CSMD3: variants seen among roughly 807,000 people sequenced by gnomAD.
CSMD3 encodes CUB and Sushi multiple domains 3, also known as CUB and sushi domain-containing protein 3.
CSMD3 carries 177 observed loss-of-function variants against 435.2 expected under a neutral mutation model. The observed-to-expected ratio is 0.41, with a 90% CI of 0.36 to 0.46. The LOEUF (loss-of-function observed/expected upper bound fraction) is 0.46. Ranked by LOEUF, CSMD3 falls within the 20% of genes least tolerant of loss-of-function variation. CSMD3 has a pLI of 0.34. For synonymous variants in CSMD3, 1,656 were observed against 1,520.5 expected (o/e 1.09, Z -2.07); for missense variants, 4,265 against 4,504.6 (o/e 0.95, Z 1.52).
At chr8:113,218,357 T>C (rs552586890) in intron 3 of CSMD3, among the ~76,000 whole-genome samples, 1 of 151,018 alleles carries the variant, frequency 6.6e-6, no homozygotes, top group Non-Finnish European at 1.5e-5. Context: ...TGTACTATTG[T>C]TGTAGTACAT....
chr8:113,196,198 T>C (rs1278575294), intron 3 of CSMD3, among the ~76,000 whole-genome samples: 4 of 151,136 alleles, frequency 2.6e-5, no homozygotes, highest in African/African-American at 9.7e-5. Context: ...TTTTTCTTTT[T>C]ATAGAGTCAT....
chr8:112,439,655 G>A lies in CSMD3; in HGVS notation c.5396-30623C>T, dbSNP rs138775319. On this transcript the variant is annotated intron_variant, in intron 32 of 70. Transcript: ENST00000297405. The stretch of plus-strand genomic sequence containing the variant: ...ATTGACTCACAGTTCCTCATGGCTG[G>A]GGAAGCCTCAGAAAACTTACAATCA... Among the ~76,000 whole-genome samples, 1,323 of 152,158 alleles carry A rather than the reference G, an allele frequency of 8.7e-3. 17 individuals are homozygous for A. The highest frequency in any genetic ancestry group is 0.031 in the African/African-American group (1,276 of 41,512).
At chr8:113,405,226 C>G (rs142746803) in intron 1 of CSMD3, among the ~76,000 whole-genome samples, 2 of 151,636 alleles carry the variant, frequency 1.3e-5, no homozygotes, top group African/African-American at 4.8e-5. Context: ...TTATATGCTT[C>G]TGACATTTGC....
chr8:112,550,580 TTTAAAA>T, intron 27 of CSMD3, 85 bp downstream of exon 27: 1 of 697,816 alleles, frequency 1.4e-6, no homozygotes, highest in South Asian at 1.7e-5. Context: ...TCATTAAAAT[TTTAAAA>T]TTAAAATTTT....
Position 112,842,308 on chromosome 8 carries a change from A to G in CSMD3, c.1756-12519T>C, listed in dbSNP as rs187679191. On this transcript the variant is annotated intron_variant, in intron 11 of 70. Transcript: ENST00000297405. ...CTTCAAGCTCTCTTGGCAGCAGCCT[A>G]TTCTGACTTAGAAGCATCTGCTGAT... Among the ~76,000 whole-genome samples, 27 of 151,946 alleles carry G rather than the reference A, an allele frequency of 1.8e-4. 1 individual carries two copies. Among genetic ancestry groups the G allele is most frequent in the Admixed American group, 1.5e-3 (23 of 15,216 alleles).
At chr8:113,187,152 TTC>T (rs2092517147) in intron 3 of CSMD3, among the ~76,000 whole-genome samples, 2 of 150,758 alleles carry the variant, frequency 1.3e-5, no homozygotes, top group African/African-American at 4.9e-5. Flanking sequence ...TTTTTTTTTC[TTC>T]TTCTTCTTCT....
intron 13 of CSMD3, among the ~76,000 whole-genome samples, chr8:112,718,517 A>ATATATATATATATATATGTG (rs2076785613): frequency 8.7e-5 from 12 of 137,946 alleles, no homozygotes; most frequent in Admixed American, 8.6e-4. Context: ...ATATATATGT[A>ATATATATATATATATATGTG]TATATATATA....
intron 32 of CSMD3, among the ~76,000 whole-genome samples, chr8:112,420,576 T>G (rs1812378304): frequency 6.6e-6 from 1 of 152,118 alleles, no homozygotes; most frequent in African/African-American, 2.4e-5. Context: ...ATATATAAAA[T>G]CTATAACCCA....
chr8:112,375,362 T>C (rs1249769924), intron 38 of CSMD3, among the ~76,000 whole-genome samples: 3 of 152,142 alleles, frequency 2.0e-5, no homozygotes, highest in Non-Finnish European at 4.4e-5. Flanking sequence ...ACTTTCTACA[T>C]TAAAGATCAT....
At chr8:112,606,524 G>A (rs1001358806) in intron 22 of CSMD3, among the ~76,000 whole-genome samples, 7 of 152,104 alleles carry the variant, frequency 4.6e-5, no homozygotes, top group Non-Finnish European at 1.0e-4. Flanking sequence ...CACTGTACTT[G>A]AACTACCCTA....
At chr8:112,651,369 C>A (rs148261022) in intron 18 of CSMD3, among the ~76,000 whole-genome samples, 1 of 151,992 alleles carries the variant, frequency 6.6e-6, no homozygotes, top group Admixed American at 6.6e-5. Flanking sequence ...ATTTTAAAGA[C>A]GGAAATTGTA....
intron 1 of CSMD3, among the ~76,000 whole-genome samples, chr8:113,381,642 G>T (rs553975918): frequency 6.6e-6 from 1 of 152,012 alleles, no homozygotes; most frequent in Non-Finnish European, 1.5e-5. Context: ...CGGTGATGAA[G>T]AAAACAAAAG....
intron 27 of CSMD3, among the ~76,000 whole-genome samples, chr8:112,528,898 T>C (rs1825249548): frequency 6.6e-6 from 1 of 152,042 alleles, no homozygotes; most frequent in African/African-American, 2.4e-5. Context: ...AAGGTCTGGC[T>C]TCTGTCTTGC....
At chr8:112,822,816 T>C (rs2079564045) in intron 12 of CSMD3, among the ~76,000 whole-genome samples, 1 of 152,162 alleles carries the variant, frequency 6.6e-6, no homozygotes, top group Non-Finnish European at 1.5e-5. Context: ...GTTCCATTAA[T>C]ACCTAGTTTA....
chr8:112,470,950 G>T (rs1818464201), intron 32 of CSMD3, among the ~76,000 whole-genome samples: 1 of 151,822 alleles, frequency 6.6e-6, no homozygotes, highest in Non-Finnish European at 1.5e-5. Flanking sequence ...ACTATTATTG[G>T]CTCAACGTAG....
chr8:112,852,087 G>A (rs541054590), intron 11 of CSMD3, among the ~76,000 whole-genome samples: 12 of 152,218 alleles, frequency 7.9e-5, no homozygotes, highest in African/African-American at 2.6e-4. Context: ...AGGAGGGTAT[G>A]GATCAGCAAT....
intron 14 of CSMD3, among the ~76,000 whole-genome samples, chr8:112,687,368 T>G (rs537248281): frequency 2.4e-4 from 36 of 152,238 alleles, no homozygotes; most frequent in African/African-American, 7.0e-4. Flanking sequence ...AACTGATCAT[T>G]TAAGTTTATG....
At chr8:112,470,997 T>C (rs1026509271) in intron 32 of CSMD3, among the ~76,000 whole-genome samples, 3 of 152,182 alleles carry the variant, frequency 2.0e-5, no homozygotes, top group South Asian at 2.1e-4. Context: ...ATTCAACTTA[T>C]ATTAACCCTA....
intron 35 of CSMD3, among the ~76,000 whole-genome samples, chr8:112,405,214 CATATAT>C (rs71309768): frequency 0.27 from 5,153 of 18,922 alleles, 984 homozygotes; most frequent in Middle Eastern, 0.65. Flanking sequence ...AAAAAACCCC[CATATAT>C]ATATATATAT....
Sources: allele counts gnomAD v4.1 joint callset (sites outside exome capture counted in the v4.1 genomes callset), GRCh38; gene constraint gnomAD v4.1.1; transcripts MANE v1.5; gene names NCBI Gene and HGNC (gene_info 2026-07-23, HGNC 2026-07-21).